Variants in PCDHGA3 observed in about 807,000 individuals in gnomAD.
The protein encoded by PCDHGA3 is protocadherin gamma-A3.
A neutral mutation model predicts 58.5 loss-of-function variants in PCDHGA3; 40 were observed. That is an observed-to-expected ratio of 0.68 (90% CI 0.53 to 0.89). PCDHGA3 has a LOEUF of 0.89. PCDHGA3 is among the 40% of genes least tolerant of loss of function. PCDHGA3 has a pLI of 0.00. For synonymous variants in PCDHGA3, 530 were observed against 525.7 expected, an observed-to-expected ratio of 1.01 and a Z score of -0.11; for missense variants, 1,223 against 1,195.9, an observed-to-expected ratio of 1.02 and a Z score of -0.33.
In PCDHGA3 at chr5:141,431,482, G is replaced by C. The variant is rs781371030; in HGVS notation, c.2425-63325G>C. ...TGGATGCGAACGACAACGCACCAGCGTTTGCTCAGCCCGAGTACCGCGCGA... is the reference window on the plus strand; with the variant it reads ...TGGATGCGAACGACAACGCACCAGCCTTTGCTCAGCCCGAGTACCGCGCGA... On this transcript the variant is annotated intron_variant, in intron 1 of 3. Coordinates refer to ENST00000253812, the MANE Select transcript of PCDHGA3 (RefSeq NM_018916.4). The surrounding 1 kb of genome is among the most constrained non-coding windows in gnomAD (Gnocchi z 4.8). The C allele has an allele frequency of 6.8e-6, 11 of 1,613,800 alleles. No individual in the cohort carries two copies. The Admixed American group carries it at 1.3e-4, about 20-fold the overall frequency.
intron 1 of PCDHGA3, among the ~76,000 whole-genome samples, chr5:141,456,969 A>G (rs2098901241): frequency 1.4e-5 from 2 of 147,268 alleles, no homozygotes; most frequent in Non-Finnish European, 3.1e-5. Flanking sequence ...TCTCAAAACA[A>G]AACAAACAAA....
At chr5:141,352,309 A>C in intron 1 of PCDHGA3, 1 of 1,613,958 alleles carries the variant, frequency 6.2e-7, no homozygotes, top group East Asian at 2.2e-5. Flanking sequence ...CCCAGACGGA[A>C]CTGCAGTTTT....
chr5:141,478,381 C>A (rs931860600), intron 1 of PCDHGA3: 1 of 1,613,664 alleles, frequency 6.2e-7, no homozygotes, highest in Admixed American at 1.7e-5. Flanking sequence ...TGTCGCCGCA[C>A]CTTTACCATC....
chr5:141,389,726 C>G (rs150721796), intron 1 of PCDHGA3: 2 of 1,612,720 alleles, frequency 1.2e-6, no homozygotes, highest in Non-Finnish European at 1.7e-6. Flanking sequence ...AGCCCGGGCT[C>G]TTCAGCCTGG....
At chr5:141,365,940 G>A (rs1433915160) in intron 1 of PCDHGA3, 1 of 1,614,248 alleles carries the variant, frequency 6.2e-7, no homozygotes, top group East Asian at 2.2e-5. Flanking sequence ...GCCAGCGACA[G>A]TGGGAACCCT....
At chr5:141,390,887 T>A (rs547559021) in intron 1 of PCDHGA3, 2,724 of 151,184 alleles carry the variant, frequency 0.018, 30 homozygotes, top group African/African-American at 0.021. Flanking sequence ...TGTGTGTGTG[T>A]GAGAGAGATC....
chr5:141,441,918 C>A (rs1183933153), intron 1 of PCDHGA3: 8 of 351,246 alleles, frequency 2.3e-5, no homozygotes, highest in African/African-American at 1.1e-4. Flanking sequence ...ATGTGAGACA[C>A]AATGCGTGGC....
chr5:141,366,679 G>C (rs1414514905), intron 1 of PCDHGA3: 2 of 1,614,156 alleles, frequency 1.2e-6, no homozygotes, highest in Non-Finnish European at 1.7e-6. Flanking sequence ...TTAGTGAAGA[G>C]AGCTGTGAGA....
rs200072718 is a variant in PCDHGA3 at position 141,389,516 on chromosome 5, G to C, written c.2424+43059G>C. 4,499 of 1,613,168 alleles carry C rather than the reference G, an allele frequency of 2.8e-3. 16 individuals are homozygous for C. Among genetic ancestry groups the C allele is most frequent in the Non-Finnish European group, 3.4e-3 (4,037 of 1,179,766 alleles). The stretch of plus-strand genomic sequence containing the variant: ...GCTCGCCAGCGCTCAGCGCGAACGT[G>C]AGCCTGCGCGTGTTAGTGGACGACC... On this transcript the variant is annotated intron_variant, in intron 1 of 3. Coordinates refer to ENST00000253812, the MANE Select transcript of PCDHGA3 (RefSeq NM_018916.4).
At chr5:141,445,782 G>A (rs530081823) in intron 1 of PCDHGA3, among the ~76,000 whole-genome samples, 1 of 152,310 alleles carries the variant, frequency 6.6e-6, no homozygotes, top group East Asian at 1.9e-4. Flanking sequence ...AAGGGCTAGG[G>A]AGGCTAGAAA....
intron 1 of PCDHGA3, chr5:141,395,150 C>G: frequency 6.2e-7 from 1 of 1,614,162 alleles, no homozygotes; most frequent in Non-Finnish European, 8.5e-7. Flanking sequence ...CAGACATGCT[C>G]ATCAGTCAGG....
intron 1 of PCDHGA3, among the ~76,000 whole-genome samples, chr5:141,362,886 T>G (rs1180518860): frequency 1.3e-5 from 2 of 152,256 alleles, no homozygotes; most frequent in Non-Finnish European, 2.9e-5. Context: ...CAAATTTTAG[T>G]TTTACTTCCT....
At chr5:141,360,126 G>A in intron 1 of PCDHGA3, 1 of 1,585,250 alleles carries the variant, frequency 6.3e-7, no homozygotes, top group Non-Finnish European at 8.6e-7. Context: ...GGAGCAAAGG[G>A]AGCCAGAAGA....
chr5:141,352,689 G>T (rs889456769), intron 1 of PCDHGA3: 2 of 1,560,488 alleles, frequency 1.3e-6, no homozygotes, highest in African/African-American at 1.4e-5. Context: ...TGCAAATCTA[G>T]TTAAATTTTA....
intron 1 of PCDHGA3, chr5:141,396,659 A>G (rs2093416733): frequency 6.6e-6 from 1 of 151,984 alleles, no homozygotes; most frequent in African/African-American, 2.4e-5. Context: ...AAAACTCGGT[A>G]TAGGCTATCC....
At chr5:141,417,626 T>G in intron 1 of PCDHGA3, 2 of 689,576 alleles carry the variant, frequency 2.9e-6, no homozygotes, top group East Asian at 2.9e-5. Flanking sequence ...GAGCAAGCGC[T>G]GACGCCGGGG....
chr5:141,460,848 C>T lies in PCDHGA3; in HGVS notation c.2425-33959C>T, dbSNP rs528601988. Among the ~76,000 whole-genome samples, 257 of 150,340 alleles carry T rather than the reference C, an allele frequency of 1.7e-3. 1 individual carries two copies. The highest frequency in any genetic ancestry group is 4.2e-3 in the Admixed American group (62 of 14,868). ...ACACTTAAAGTAATGGCCTCCAGTT[C>T]GATCCAAGTTGCTGCAAAGGACATT... is the stretch of plus-strand genomic sequence containing the variant. On this transcript the variant is annotated intron_variant, in intron 1 of 3. Transcript: ENST00000253812.
chr5:141,427,197 A>C (rs1277186420), intron 1 of PCDHGA3: 4 of 456,762 alleles, frequency 8.8e-6, no homozygotes, highest in Admixed American at 2.3e-5. Context: ...CAAAGACTTA[A>C]TAGACTTCGA....
At chr5:141,457,719 G>T (rs1437841051) in intron 1 of PCDHGA3, among the ~76,000 whole-genome samples, 1 of 152,226 alleles carries the variant, frequency 6.6e-6, no homozygotes, top group Non-Finnish European at 1.5e-5. Context: ...GTTCCACAAG[G>T]AATTTCAGAT....
Sources: allele counts gnomAD v4.1 joint callset (sites outside exome capture counted in the v4.1 genomes callset), GRCh38; gene constraint gnomAD v4.1.1; non-coding constraint Gnocchi (gnomAD v3.1); transcripts MANE v1.5; gene names NCBI Gene and HGNC (gene_info 2026-07-23, HGNC 2026-07-21).